The following GPC5 variants were observed in gnomAD, a reference collection of about 807,000 sequenced individuals.
GPC5 encodes the protein glypican-5.
Under a neutral mutation model 53.9 loss-of-function variants are expected in GPC5, and 47 were observed. That is an observed-to-expected ratio of 0.87 (90% CI 0.69 to 1.11). The LOEUF (loss-of-function observed/expected upper bound fraction) is 1.11, where lower values mean the gene tolerates loss of function less well. GPC5 is among the 50% of genes most tolerant of loss of function. GPC5 has a pLI of 0.00. For missense variants in GPC5, 748 were observed against 713.1 expected, an observed-to-expected ratio of 1.05 and a Z score of -0.56; for synonymous variants, 286 against 263.3, an observed-to-expected ratio of 1.09 and a Z score of -0.84.
chr13:92,423,384 AATTT>A (rs897016909), intron 7 of GPC5, among the ~76,000 whole-genome samples: 59 of 152,128 alleles, frequency 3.9e-4, no homozygotes, highest in African/African-American at 1.4e-3. Flanking sequence ...TGTTTCTCCT[AATTT>A]ATTTAATTTC....
chr13:92,166,603 T>C (rs995168963), intron 7 of GPC5, among the ~76,000 whole-genome samples: 2 of 152,068 alleles, frequency 1.3e-5, no homozygotes, highest in Non-Finnish European at 1.5e-5. Context: ...CCAAGAGAAC[T>C]GTGAGGTGAC....
intron 7 of GPC5, among the ~76,000 whole-genome samples, chr13:92,202,771 G>T (rs2042304380): frequency 6.6e-6 from 1 of 151,978 alleles, no homozygotes. Flanking sequence ...CCATCTTTAA[G>T]AATGATATAA....
At chr13:91,643,356 T>C (rs2034480309) in intron 2 of GPC5, among the ~76,000 whole-genome samples, 1 of 152,206 alleles carries the variant, frequency 6.6e-6, no homozygotes. Flanking sequence ...TTTAACATCA[T>C]GGATAATTTA....
chr13:92,546,767 A>C (rs992014782), intron 7 of GPC5, among the ~76,000 whole-genome samples: 2 of 152,214 alleles, frequency 1.3e-5, no homozygotes, highest in Non-Finnish European at 2.9e-5. Context: ...ACTTCAAACT[A>C]TGCTACAAGG....
intron 7 of GPC5, among the ~76,000 whole-genome samples, chr13:92,789,108 G>A (rs867203963): frequency 2.6e-5 from 4 of 152,154 alleles, no homozygotes; most frequent in Non-Finnish European, 5.9e-5. Context: ...CCCAACTCCT[G>A]TACCTTTTCC....
At chr13:91,910,419 A>G (rs1854736) in intron 6 of GPC5, among the ~76,000 whole-genome samples, 149,226 of 152,320 alleles carry the variant, frequency 0.98, 73,116 homozygotes, top group East Asian at 1. Flanking sequence ...ATCCTAGTCT[A>G]TAGATTTAGA....
At position 92,505,471 on chromosome 13, in the gene GPC5, G is replaced by T. The variant is rs534717193; in HGVS notation, c.1561+360482G>T. On this transcript the variant is annotated intron_variant, in intron 7 of 7. Transcript: ENST00000377067. ...AAAGTATTAACAATTCCTGGTGCTG[G>T]TGAGGTCAAAGAGCAACTGGGATTC... is the stretch of plus-strand genomic sequence containing the variant. 5.8e-4 allele frequency among the ~76,000 whole-genome samples: 88 copies of T among 152,114 alleles called. 1 individual carries two copies. The highest frequency in any genetic ancestry group is 3.4e-3 in the Middle Eastern group (1 of 294).
intron 2 of GPC5, among the ~76,000 whole-genome samples, chr13:91,512,963 A>G (rs913787811): frequency 4.6e-5 from 7 of 152,176 alleles, no homozygotes; most frequent in Non-Finnish European, 1.0e-4. Context: ...AACCAGATAC[A>G]GGTCTCATAT....
At chr13:91,538,775 G>A (rs985717804) in intron 2 of GPC5, among the ~76,000 whole-genome samples, 1 of 151,434 alleles carries the variant, frequency 6.6e-6, no homozygotes, top group Admixed American at 6.6e-5. Context: ...GTAGAGACCG[G>A]GTTTCACCAT....
intron 7 of GPC5, among the ~76,000 whole-genome samples, chr13:92,281,845 C>T (rs951483358): frequency 6.6e-6 from 1 of 152,190 alleles, no homozygotes; most frequent in Non-Finnish European, 1.5e-5. Context: ...ACCACCTCTT[C>T]TCCTCCAAAG....
At chr13:91,501,750 G>T (rs1884650309) in intron 2 of GPC5, among the ~76,000 whole-genome samples, 1 of 152,074 alleles carries the variant, frequency 6.6e-6, no homozygotes, top group African/African-American at 2.4e-5. Context: ...TAATCCTTTG[G>T]GTATATACCC....
chr13:92,283,462 C>G (rs1340550271), intron 7 of GPC5, among the ~76,000 whole-genome samples: 2 of 152,234 alleles, frequency 1.3e-5, no homozygotes, highest in Admixed American at 6.5e-5. Context: ...CCACATCACA[C>G]TTATTCCAAA....
chr13:92,541,457 G>A (rs1485842619), intron 7 of GPC5, among the ~76,000 whole-genome samples: 1 of 151,778 alleles, frequency 6.6e-6, no homozygotes, highest in Non-Finnish European at 1.5e-5. Context: ...TAATTTGCAT[G>A]TTCCTTTCTT....
intron 2 of GPC5, among the ~76,000 whole-genome samples, chr13:91,625,359 A>G (rs963223392): frequency 7.2e-5 from 11 of 152,128 alleles, no homozygotes; most frequent in Admixed American, 2.0e-4. Flanking sequence ...AATGTAAAAT[A>G]ATTAACACTG....
At chr13:91,437,908 T>C (rs1880108740) in intron 1 of GPC5, among the ~76,000 whole-genome samples, 1 of 152,238 alleles carries the variant, frequency 6.6e-6, no homozygotes, top group Non-Finnish European at 1.5e-5. Context: ...CTTCATTTCA[T>C]TCATTTGATC....
chr13:92,604,848 G>A (rs1884198039), intron 7 of GPC5, among the ~76,000 whole-genome samples: 1 of 152,096 alleles, frequency 6.6e-6, no homozygotes, highest in Non-Finnish European at 1.5e-5. Context: ...CAATACAAAT[G>A]GCTGTGTTTT....
At chr13:92,552,684 G>GT (rs2139018173) in intron 7 of GPC5, among the ~76,000 whole-genome samples, 1 of 151,938 alleles carries the variant, frequency 6.6e-6, no homozygotes, top group African/African-American at 2.4e-5. Context: ...CTGGACTCAC[G>GT]TACTCAGTAG....
chr13:92,407,941 C>A (rs1166545171), intron 7 of GPC5, among the ~76,000 whole-genome samples: 2 of 152,064 alleles, frequency 1.3e-5, no homozygotes, highest in Non-Finnish European at 2.9e-5. Flanking sequence ...AAAGAGAAAG[C>A]CCAAATGTAA....
chr13:92,437,699 G>C (rs376665227), intron 7 of GPC5, among the ~76,000 whole-genome samples: 2 of 151,990 alleles, frequency 1.3e-5, no homozygotes, highest in South Asian at 4.2e-4. Context: ...ATAGTTCTTA[G>C]GTTGTGTGTT....
Sources: gnomAD v4.1 joint callset for allele counts (sites outside exome capture counted in the v4.1 genomes callset) on GRCh38, gnomAD v4.1.1 for gene constraint, MANE v1.5 for transcripts, NCBI Gene and HGNC (gene_info 2026-07-23, HGNC 2026-07-21) for gene names.